The following NAV1 variants were observed in gnomAD, a reference collection of about 807,000 sequenced individuals.
NAV1 encodes the protein neuron navigator 1.
In NAV1, 18 loss-of-function variants were observed where a neutral mutation model predicts 175.2. The observed-to-expected ratio is 0.10, with a 90% CI of 0.07 to 0.15. The LOEUF (loss-of-function observed/expected upper bound fraction) is 0.15. Ranked by LOEUF, NAV1 falls within the 10% of genes least tolerant of loss-of-function variation. The pLI is 1.00. For synonymous variants in NAV1, 897 were observed against 978.7 expected, an observed-to-expected ratio of 0.92 and a Z score of 1.56; for missense variants, 1,731 against 2,436.6, an observed-to-expected ratio of 0.71 and a Z score of 6.10.
At chr1:201,761,112 A>G (rs1216950683) in intron 3 of NAV1, among the ~76,000 whole-genome samples, 1 of 152,204 alleles carries the variant, frequency 6.6e-6, no homozygotes, top group Non-Finnish European at 1.5e-5. Context: ...TTGACTGAAT[A>G]AGGAGACCGT....
At chr1:201,689,839 G>T (rs114150140) in intron 1 of NAV1, among the ~76,000 whole-genome samples, 2,987 of 152,330 alleles carry the variant, frequency 0.02, 104 homozygotes, top group African/African-American at 0.068. Context: ...CAGCTGGGTT[G>T]GAGATTCTGC....
intron 1 of NAV1, among the ~76,000 whole-genome samples, chr1:201,555,453 C>G (rs1283649753): frequency 6.6e-6 from 1 of 152,152 alleles, no homozygotes; most frequent in Non-Finnish European, 1.5e-5. Context: ...CTCTGAAGCT[C>G]TGAGGTTTTG....
rs1665457476 is a variant in NAV1 at position 201,539,960 on chromosome 1, G to A, written c.-144+618G>A. ...AGTGCGTCTGGGAGCGGAGAAAGTG[G>A]TCCCGGAGGAGAGGGGAGAGAGGAG... On this transcript the variant is annotated intron_variant, in intron 1 of 33. Transcript: ENST00000685211. The surrounding 1 kb of genome is among the most constrained non-coding windows in gnomAD (Gnocchi z 5.6). Among the ~76,000 whole-genome samples, 1 of 152,242 alleles carries A rather than the reference G, an allele frequency of 6.6e-6. No homozygotes were observed. The highest frequency in any genetic ancestry group is 6.5e-5 in the Admixed American group (1 of 15,286).
At chr1:201,762,426 G>A (rs1175295178) in intron 3 of NAV1, among the ~76,000 whole-genome samples, 1 of 152,160 alleles carries the variant, frequency 6.6e-6, no homozygotes, top group African/African-American at 2.4e-5. Context: ...GCCTGTTTTT[G>A]TATGGCCTGC....
chr1:201,756,865 T>C (rs1674533986), intron 3 of NAV1, among the ~76,000 whole-genome samples: 1 of 127,688 alleles, frequency 7.8e-6, no homozygotes. Flanking sequence ...TCTTTCTTTC[T>C]TTCTTTCTTT....
rs1669086793 is a variant in NAV1, at chr1:201,649,117, A to G, written c.449A>G (p.Lys150Arg). ...TCGGAGCACTCGCTCTTCCAGGCCA[A>G]GGGCAGCCCGGCGGGCGGCGCCAAG... The change falls in exon 1 of 30, where the codon AAG becomes AGG. Residue 150 changes from lysine (K) to arginine (R), a missense_variant. Lys to Arg is a conservative substitution (Grantham distance 26). Around this residue, in one of 13 missense-constraint regions of NAV1, gnomAD observed 487 missense variants for 581.3 expected, o/e 0.84. Transcript: ENST00000367296. The G allele has an allele frequency of 1.9e-6, 3 of 1,612,678 alleles. No homozygotes were observed. In the East Asian group the frequency reaches 6.7e-5, roughly 36 times the overall value.
chr1:201,616,847 T>G (rs1169505790), intron 2 of NAV1, among the ~76,000 whole-genome samples: 1 of 152,192 alleles, frequency 6.6e-6, no homozygotes, highest in Non-Finnish European at 1.5e-5. Context: ...AGTGTGCATG[T>G]GTTTCTTCCC....
chr1:201,642,243 T>C (rs895057455), intron 2 of NAV1, among the ~76,000 whole-genome samples: 4 of 146,968 alleles, frequency 2.7e-5, no homozygotes, highest in Non-Finnish European at 6.0e-5. Flanking sequence ...CTCGGAGTCT[T>C]GGTCTGTCGC....
At chr1:201,565,493 G>A (rs1376031117) in intron 1 of NAV1, among the ~76,000 whole-genome samples, 1 of 152,224 alleles carries the variant, frequency 6.6e-6, no homozygotes, top group Non-Finnish European at 1.5e-5. Flanking sequence ...GCTGCCAGCA[G>A]CGGGCATGGG....
chr1:201,696,704 T>C (rs1192278110), intron 1 of NAV1, among the ~76,000 whole-genome samples: 1 of 152,178 alleles, frequency 6.6e-6, no homozygotes, highest in Non-Finnish European at 1.5e-5. Context: ...CTGTTGTCTT[T>C]TTGGTCATGT....
At position 201,581,692 on chromosome 1, in the gene NAV1, C is replaced by T. The variant is rs189719983; in HGVS notation, c.-143-6847C>T. On this transcript the variant is annotated intron_variant, in intron 1 of 33. Transcript: ENST00000685211. ...AAAAATACAAAAATTAGCCGGGTGT[C>T]GTGGTGGGCGCCTGTTATCCCAGCT... Among the ~76,000 whole-genome samples, 8 of 151,862 alleles carry T rather than the reference C, an allele frequency of 5.3e-5. No individual in the cohort carries two copies. In the East Asian group the frequency reaches 1.2e-3, roughly 22 times the overall value.
chr1:201,695,194 A>G (rs1156615313), intron 1 of NAV1, among the ~76,000 whole-genome samples: 1 of 152,182 alleles, frequency 6.6e-6, no homozygotes, highest in Admixed American at 6.5e-5. Context: ...GGTGAACAGC[A>G]AATGCCATCA....
chr1:201,779,259 T>C (rs1676148979), intron 3 of NAV1, among the ~76,000 whole-genome samples: 1 of 152,074 alleles, frequency 6.6e-6, no homozygotes, highest in Non-Finnish European at 1.5e-5. Context: ...GTTTTGAGGC[T>C]AAGGGTAAAC....
Position 201,763,572 on chromosome 1 carries a change from A to G in NAV1, c.1227-16849A>G, listed in dbSNP as rs552495474. 5.3e-5 allele frequency among the ~76,000 whole-genome samples: 8 copies of G among 152,306 alleles called. No individual in the cohort carries two copies. In the South Asian group the frequency reaches 1.5e-3, roughly 28 times the overall value. ...CTCTGAAACTAGAGAAAACTCAAAC[A>G]AATTGTGGCCAGCCGAGTCAGCATT... On this transcript the variant is annotated intron_variant, in intron 3 of 29. Transcript: ENST00000367296.
chr1:201,714,299 C>T (rs1350085824), intron 2 of NAV1, among the ~76,000 whole-genome samples: 1 of 152,210 alleles, frequency 6.6e-6, no homozygotes, highest in African/African-American at 2.4e-5. Flanking sequence ...AGCTTTCAGC[C>T]GTTGGCTGTA....
At chr1:201,713,409 T>G (rs1671995212) in intron 2 of NAV1, among the ~76,000 whole-genome samples, 1 of 152,208 alleles carries the variant, frequency 6.6e-6, no homozygotes, top group Non-Finnish European at 1.5e-5. Context: ...TGAGGGAGGC[T>G]TGAGTGCTCA....
At chr1:201,592,937 G>A (rs1470265474) in intron 2 of NAV1, among the ~76,000 whole-genome samples, 1 of 152,032 alleles carries the variant, frequency 6.6e-6, no homozygotes, top group Non-Finnish European at 1.5e-5. Flanking sequence ...CTCAATTTGG[G>A]GCTACGTCCT....
At chr1:201,648,026 C>T (rs760438716), upstream of NAV1, among the ~76,000 whole-genome samples, 6 of 151,096 alleles carry the variant, frequency 4.0e-5, no homozygotes, top group Non-Finnish European at 8.9e-5. Context: ...CACTCATCCG[C>T]CCCTGGAGCT....
At chr1:201,664,349 TAAAC>T (rs1669732141) in intron 1 of NAV1, among the ~76,000 whole-genome samples, 1 of 152,182 alleles carries the variant, frequency 6.6e-6, no homozygotes, top group African/African-American at 2.4e-5. Flanking sequence ...TCAAAACAAA[TAAAC>T]AAACAAATCA....
Sources: gnomAD v4.1 joint callset for allele counts (sites outside exome capture counted in the v4.1 genomes callset) on GRCh38, gnomAD v4.1.1 for gene constraint, gnomAD v4.1.1 regional missense constraint, Gnocchi (gnomAD v3.1) non-coding constraint, MANE v1.5 for transcripts, NCBI Gene and HGNC (gene_info 2026-07-23, HGNC 2026-07-21) for gene names.